Variants in CSMD1 observed in about 807,000 individuals in gnomAD.
CSMD1 encodes CUB and Sushi multiple domains 1.
A neutral mutation model predicts 417.5 loss-of-function variants in CSMD1; 213 were observed. The observed-to-expected ratio is 0.51, with a 90% CI of 0.46 to 0.57. CSMD1 has a LOEUF of 0.57. Among genes scored for constraint, CSMD1 ranks in the 20% least tolerant of loss-of-function variants. The pLI is 0.00. For synonymous variants in CSMD1, 2,862 were observed against 1,736.8 expected (o/e 1.65, Z -16.11); for missense variants, 6,923 against 4,529.7 (o/e 1.53, Z -15.17).
At chr8:4,296,879 T>A (rs1336467373) in intron 3 of CSMD1, among the ~76,000 whole-genome samples, 1 of 152,094 alleles carries the variant, frequency 6.6e-6, no homozygotes, top group East Asian at 1.9e-4. Flanking sequence ...TCCCAATTTT[T>A]TTAAAAATGC....
At chr8:4,951,968 G>C (rs964061654) in intron 1 of CSMD1, among the ~76,000 whole-genome samples, 2 of 151,240 alleles carry the variant, frequency 1.3e-5, no homozygotes, top group Non-Finnish European at 3.0e-5. Flanking sequence ...CTCCTTCAGA[G>C]CCAAGCTTCT....
intron 3 of CSMD1, among the ~76,000 whole-genome samples, chr8:4,157,560 T>C (rs1023158355): frequency 2.6e-5 from 4 of 152,172 alleles, no homozygotes; most frequent in Non-Finnish European, 5.9e-5. Context: ...TGTGTTGTCA[T>C]TCCCCCGTAT....
rs1286375549 is a variant in CSMD1, at chr8:3,151,472, G to C, written c.5956C>G (p.Leu1986Val). Reference sequence around the variant, plus strand: ...TAAGAACCTGGGAAGCCGGGGCTCAGGATCACACCACCCAAGGTGCTCAGC... The same window carrying C: ...TAAGAACCTGGGAAGCCGGGGCTCACGATCACACCACCCAAGGTGCTCAGC... The part of the protein sequence containing the change: ...GTLSTLGGVI[L>V]SPGFPGSYPN... The change falls in exon 40 of 70, where the codon CTG becomes GTG. Residue 1986 changes from leucine to valine, a missense_variant. Physicochemically the swap from Leu to Val is conservative, Grantham distance 32. Coordinates refer to ENST00000635120, the MANE Select transcript of CSMD1 (RefSeq NM_033225.6). 1 of 1,613,718 alleles carries C rather than the reference G, an allele frequency of 6.2e-7. No homozygotes were observed. The highest frequency in any genetic ancestry group is 1.1e-5 in the South Asian group (1 of 90,876).
chr8:3,914,285 G>C (rs1325070512), intron 5 of CSMD1, among the ~76,000 whole-genome samples: 1 of 152,042 alleles, frequency 6.6e-6, no homozygotes, highest in South Asian at 2.1e-4. Flanking sequence ...GAGAGAAAGG[G>C]TCACAGGTAG....
chr8:4,190,969 G>A (rs1013579476), intron 3 of CSMD1, among the ~76,000 whole-genome samples: 3 of 151,738 alleles, frequency 2.0e-5, no homozygotes, highest in Non-Finnish European at 4.4e-5. Context: ...GGGCGGGGAA[G>A]GGAGAGGATC....
intron 1 of CSMD1, chr8:4,787,631 T>C (rs901269533): frequency 2.5e-6 from 4 of 1,581,244 alleles, no homozygotes; most frequent in Non-Finnish European, 2.6e-6. Context: ...AGCAACTGGT[T>C]CTTTTCTCAA....
chr8:3,091,351 G>C (rs1367716312), intron 48 of CSMD1, among the ~76,000 whole-genome samples, 165 bp downstream of exon 48: 1 of 152,002 alleles, frequency 6.6e-6, no homozygotes, highest in Non-Finnish European at 1.5e-5. Flanking sequence ...ATGTAGTTTA[G>C]AGGAATCATT....
At chr8:4,045,305 T>C (rs566772806) in intron 3 of CSMD1, among the ~76,000 whole-genome samples, 7 of 152,306 alleles carry the variant, frequency 4.6e-5, no homozygotes, top group South Asian at 4.1e-4. Context: ...TCTGTCCTTA[T>C]AGGGTTAGGC....
At chr8:3,473,013 T>A in intron 11 of CSMD1, among the ~76,000 whole-genome samples, 1 of 152,166 alleles carries the variant, frequency 6.6e-6, no homozygotes, top group East Asian at 1.9e-4. Context: ...CCTAACTCTG[T>A]CTCCTGGTTC....
chr8:3,438,611 G>T (rs1814730086), intron 12 of CSMD1, among the ~76,000 whole-genome samples: 1 of 152,110 alleles, frequency 6.6e-6, no homozygotes, highest in South Asian at 2.1e-4. Flanking sequence ...GGGATTTCAT[G>T]GTCTAGATGA....
chr8:4,326,837 A>G (rs1426285716), intron 3 of CSMD1, among the ~76,000 whole-genome samples: 2 of 152,170 alleles, frequency 1.3e-5, no homozygotes, highest in Admixed American at 1.3e-4. Context: ...TTCTGAAAAA[A>G]AAAGGTCACA....
chr8:3,739,278 T>G (rs1231228945), intron 6 of CSMD1, among the ~76,000 whole-genome samples: 1 of 152,236 alleles, frequency 6.6e-6, no homozygotes, highest in Non-Finnish European at 1.5e-5. Context: ...AGCTGTAGAT[T>G]GTCTTTAGAA....
intron 3 of CSMD1, among the ~76,000 whole-genome samples, chr8:4,297,909 T>C (rs1283083129): frequency 1.3e-5 from 2 of 152,146 alleles, no homozygotes; most frequent in Non-Finnish European, 1.5e-5. Flanking sequence ...AAGTATATAA[T>C]CAGAAAGGTT....
chr8:4,204,221 C>T (rs1799840613), intron 3 of CSMD1, among the ~76,000 whole-genome samples: 1 of 151,646 alleles, frequency 6.6e-6, no homozygotes, highest in Non-Finnish European at 1.5e-5. Context: ...TTTTTCACAC[C>T]AGAACATCCT....
intron 3 of CSMD1, among the ~76,000 whole-genome samples, chr8:4,343,425 A>T (rs559279707): frequency 6.6e-6 from 1 of 152,246 alleles, no homozygotes; most frequent in African/African-American, 2.4e-5. Context: ...TAAAAAAATT[A>T]TTAAAAATGG....
intron 5 of CSMD1, among the ~76,000 whole-genome samples, chr8:3,853,863 ATAT>A (rs1314552498): frequency 1.4e-5 from 2 of 147,820 alleles, no homozygotes; most frequent in Non-Finnish European, 3.0e-5. Flanking sequence ...AAAACTTAAT[ATAT>A]TATACTTTAA....
intron 2 of CSMD1, among the ~76,000 whole-genome samples, chr8:4,558,714 A>G (rs1798201330): frequency 6.6e-6 from 1 of 152,050 alleles, no homozygotes; most frequent in Non-Finnish European, 1.5e-5. Flanking sequence ...TAAAAATACA[A>G]AAAAATTAGC....
chr8:3,379,868 G>A (rs1810526562), intron 18 of CSMD1, among the ~76,000 whole-genome samples: 1 of 152,128 alleles, frequency 6.6e-6, no homozygotes. Flanking sequence ...ACACCAAAAA[G>A]CAATGGCAAC....
chr8:3,314,204 G>C (rs901129485), intron 23 of CSMD1, among the ~76,000 whole-genome samples: 5 of 151,832 alleles, frequency 3.3e-5, no homozygotes, highest in African/African-American at 1.2e-4. Context: ...ACACCAACAT[G>C]GCACATGTAT....
Sources: gnomAD v4.1 joint callset for allele counts (sites outside exome capture counted in the v4.1 genomes callset) on GRCh38, gnomAD v4.1.1 for gene constraint, MANE v1.5 for transcripts, NCBI Gene and HGNC (gene_info 2026-07-23, HGNC 2026-07-21) for gene names.